The following SOX5 variants were observed in gnomAD, a reference collection of about 807,000 sequenced individuals.
SOX5 encodes transcription factor SOX-5.
Under a neutral mutation model 92.0 loss-of-function variants are expected in SOX5, and 9 were observed. The ratio of observed to expected loss-of-function variants is 0.10; its 90% CI spans 0.06 to 0.17. The LOEUF (loss-of-function observed/expected upper bound fraction) is 0.17. SOX5 is among the 10% of genes least tolerant of loss of function. The probability of loss-of-function intolerance (pLI) is 1.00; values close to 1 mark genes in which losing one functional copy is unlikely to be tolerated. For synonymous variants in SOX5, 344 were observed against 336.3 expected, an observed-to-expected ratio of 1.02 and a Z score of -0.25; for missense variants, 642 against 944.5, an observed-to-expected ratio of 0.68 and a Z score of 4.20.
chr12:24,452,502 T>C (rs745889144), intron 1 of SOX5, among the ~76,000 whole-genome samples: 2 of 152,062 alleles, frequency 1.3e-5, no homozygotes, highest in African/African-American at 2.4e-5. Context: ...ACTGATGACC[T>C]TGAGAGGACC....
intron 1 of SOX5, among the ~76,000 whole-genome samples, chr12:24,380,411 TC>T (rs1417354031): frequency 6.6e-6 from 1 of 152,234 alleles, no homozygotes; most frequent in Non-Finnish European, 1.5e-5. Flanking sequence ...ATAAGCCTGC[TC>T]CCTTGAGAAT....
chr12:24,142,892 G>A (rs1264118601), intron 4 of SOX5, among the ~76,000 whole-genome samples: 3 of 150,908 alleles, frequency 2.0e-5, no homozygotes, highest in Non-Finnish European at 4.4e-5. Flanking sequence ...TGGGAGATGC[G>A]TAGAGGGCCC....
At chr12:23,887,905 T>A (rs2097086727) in intron 2 of SOX5, among the ~76,000 whole-genome samples, 1 of 118,532 alleles carries the variant, frequency 8.4e-6, no homozygotes, top group South Asian at 3.0e-4. Context: ...TGGTAATTGG[T>A]CCAGTGTGTA....
intron 6 of SOX5, among the ~76,000 whole-genome samples, chr12:23,707,958 C>A (rs1005012967): frequency 6.6e-6 from 1 of 151,918 alleles, no homozygotes; most frequent in Non-Finnish European, 1.5e-5. Context: ...CAACTGATGC[C>A]TTTATGGAGC....
At chr12:24,055,866 T>C (rs1386918711) in intron 4 of SOX5, among the ~76,000 whole-genome samples, 5 of 152,212 alleles carry the variant, frequency 3.3e-5, no homozygotes, top group Admixed American at 2.0e-4. Flanking sequence ...AAATGTCATG[T>C]TCCTGTTAGT....
intron 3 of SOX5, among the ~76,000 whole-genome samples, chr12:23,765,717 C>T (rs890363501): frequency 6.6e-6 from 1 of 152,042 alleles, no homozygotes; most frequent in African/African-American, 2.4e-5. Context: ...AGACTACTTT[C>T]AAAAATTAAA....
intron 1 of SOX5, among the ~76,000 whole-genome samples, chr12:24,499,440 A>G (rs1239734601): frequency 6.6e-6 from 1 of 152,260 alleles, no homozygotes; most frequent in Non-Finnish European, 1.5e-5. Context: ...GCGCACCGCA[A>G]GGAAAGGGGA....
At chr12:24,494,885 A>G (rs1029794447) in intron 1 of SOX5, among the ~76,000 whole-genome samples, 1 of 152,148 alleles carries the variant, frequency 6.6e-6, no homozygotes. Flanking sequence ...AATTCAACAA[A>G]TTTATCGCAA....
At chr12:24,172,816 A>C (rs1403721423) in intron 4 of SOX5, among the ~76,000 whole-genome samples, 1 of 152,226 alleles carries the variant, frequency 6.6e-6, no homozygotes, top group African/African-American at 2.4e-5. Flanking sequence ...AGAGTCAATT[A>C]GGCTATGAAA....
At chr12:24,474,396 G>A (rs890264370) in intron 1 of SOX5, among the ~76,000 whole-genome samples, 4 of 152,132 alleles carry the variant, frequency 2.6e-5, no homozygotes, top group Admixed American at 1.3e-4. Flanking sequence ...TTTGGATAAC[G>A]GTGTGGATGA....
chr12:23,949,747 T>TCC (rs1945251738), upstream of SOX5: 11 of 938,108 alleles, frequency 1.2e-5, no homozygotes, highest in Admixed American at 2.9e-5. Flanking sequence ...TCTCTCTCTC[T>TCC]CTCTCCCTCT....
chr12:23,720,029 G>T (rs2092727663), intron 6 of SOX5, among the ~76,000 whole-genome samples: 1 of 152,270 alleles, frequency 6.6e-6, no homozygotes, highest in East Asian at 1.9e-4. Context: ...TACACCTCAA[G>T]ATCATGCTTG....
rs149863016 is a variant in SOX5, at chr12:23,642,304, T to A, written c.932-1407A>T. On this transcript the variant is annotated intron_variant, in intron 7 of 14. Transcript: ENST00000451604. Reference sequence around the variant, plus strand: ...GGCCTTCCAAAAGCTTACAGTTTAATGGGAGAAAAAGATAATTAAATGATT... The same window carrying A: ...GGCCTTCCAAAAGCTTACAGTTTAAAGGGAGAAAAAGATAATTAAATGATT... Among the ~76,000 whole-genome samples, 9 of 152,250 alleles carry A rather than the reference T, an allele frequency of 5.9e-5. No homozygotes were observed. The East Asian group carries it at 1.4e-3, about 23-fold the overall frequency.
intron 1 of SOX5, among the ~76,000 whole-genome samples, chr12:24,384,240 A>G (rs1342611512): frequency 2.0e-5 from 3 of 152,188 alleles, no homozygotes; most frequent in Non-Finnish European, 4.4e-5. Flanking sequence ...GATCCCTCGC[A>G]TGCACAGTTC....
chr12:23,722,768 C>G (rs2092891392), intron 6 of SOX5, among the ~76,000 whole-genome samples: 1 of 152,150 alleles, frequency 6.6e-6, no homozygotes, highest in Non-Finnish European at 1.5e-5. Flanking sequence ...CTAAACGGCT[C>G]TGGTCTTTTC....
At chr12:24,318,803 C>A (rs1045130646) in intron 2 of SOX5, among the ~76,000 whole-genome samples, 2 of 152,164 alleles carry the variant, frequency 1.3e-5, no homozygotes, top group African/African-American at 4.8e-5. Context: ...GGGAAAACTG[C>A]AAAACCATTA....
chr12:23,687,124 G>A (rs935324358), intron 6 of SOX5, among the ~76,000 whole-genome samples: 4 of 151,916 alleles, frequency 2.6e-5, no homozygotes, highest in East Asian at 1.9e-4. Context: ...GGCTTCCTAC[G>A]TATTATAAAT....
intron 3 of SOX5, among the ~76,000 whole-genome samples, chr12:24,236,904 CA>C (rs1964617943): frequency 7.2e-6 from 1 of 139,038 alleles, no homozygotes; most frequent in Non-Finnish European, 1.6e-5. Flanking sequence ...TCAGTATCCA[CA>C]ACTCAAAAAA....
chr12:24,432,493 T>C (rs1178406381), intron 1 of SOX5, among the ~76,000 whole-genome samples: 1 of 152,138 alleles, frequency 6.6e-6, no homozygotes, highest in African/African-American at 2.4e-5. Context: ...TCTGAGGTAG[T>C]AGAAAATTCT....
Sources: gnomAD v4.1 joint callset for allele counts (sites outside exome capture counted in the v4.1 genomes callset) on GRCh38, gnomAD v4.1.1 for gene constraint, MANE v1.5 for transcripts, NCBI Gene and HGNC (gene_info 2026-07-23, HGNC 2026-07-21) for gene names.